Variants in CPAMD8 observed in about 807,000 individuals in gnomAD.
The protein encoded by CPAMD8 is C3 and PZP-like alpha-2-macroglobulin domain-containing protein 8.
In CPAMD8, 146 loss-of-function variants were observed where a neutral mutation model predicts 224.7. That is an observed-to-expected ratio of 0.65 (90% CI 0.57 to 0.75). The LOEUF is 0.75. Among genes scored for constraint, CPAMD8 ranks in the 30% least tolerant of loss-of-function variants. The pLI, the probability that CPAMD8 is intolerant of heterozygous loss-of-function variation, is 0.00. For missense variants in CPAMD8, 2,301 were observed against 2,537.5 expected, an observed-to-expected ratio of 0.91 and a Z score of 2.00; for synonymous variants, 966 against 1,044.6, an observed-to-expected ratio of 0.92 and a Z score of 1.45.
Position 16,904,259 on chromosome 19 carries a change from C to T in CPAMD8, c.4218G>A (p.Gln1406=). 3 of 1,566,224 alleles carry T rather than the reference C, an allele frequency of 1.9e-6. No individual in the cohort carries two copies. The highest frequency in any genetic ancestry group is 2.6e-6 in the Non-Finnish European group (3 of 1,151,006). Residue 1406 remains glutamine (Q), a synonymous_variant, in exon 32 of 42, where the codon CAG becomes CAA. Transcript: ENST00000443236. ...AGGAGAAGCCCCCAAGTGCATTTCGCTGCTGGGACAGCCACTTCACCACAG... is the reference window on the plus strand; with the variant it reads ...AGGAGAAGCCCCCAAGTGCATTTCGTTGCTGGGACAGCCACTTCACCACAG... The part of the protein sequence containing the change: ...ALPVVKWLSQ[Q]RNALGGFSST...
At position 16,976,522 on chromosome 19, in the gene CPAMD8, T is replaced by C. The variant is rs555992257; in HGVS notation, c.1759-371A>G. Reference sequence around the variant, plus strand: ...TTGGTTCAATCCAGGTTTGGTCTAGTCCAGAGGCATCTCTTCTGCCCCACC... The same window carrying C: ...TTGGTTCAATCCAGGTTTGGTCTAGCCCAGAGGCATCTCTTCTGCCCCACC... On this transcript the variant is annotated intron_variant, in intron 15 of 41. Transcript: ENST00000443236. 1.1e-4 allele frequency among the ~76,000 whole-genome samples: 17 copies of C among 152,084 alleles called. No homozygotes were observed. In the South Asian group the frequency reaches 3.5e-3, roughly 32 times the overall value.
In CPAMD8 at chr19:16,893,240, A is replaced by T. The variant is rs754978965; in HGVS notation, c.5526T>A (p.Pro1842=). 1.3e-6 allele frequency: 2 copies of T among 1,577,028 alleles called. No individual in the cohort carries two copies. Among genetic ancestry groups the T allele is most frequent in the Non-Finnish European group, 1.7e-6 (2 of 1,160,184 alleles). Residue 1842 remains proline (P), a synonymous_variant, in exon 42 of 42, where the codon CCT becomes CCA. Coordinates refer to ENST00000443236, the MANE Select transcript of CPAMD8 (RefSeq NM_015692.5). ...PFHRWGQTPA[P]QRHSGRVVGA... is the part of the protein sequence containing the mutation. ...CCACCACCCGGCCACTATGTCTCTGAGGGGCCGGAGTCTGGCCCCATCTGT... is the reference window on the plus strand; with the variant it reads ...CCACCACCCGGCCACTATGTCTCTGTGGGGCCGGAGTCTGGCCCCATCTGT...
chr19:16,952,404 G>A (rs764093757), intron 19 of CPAMD8, among the ~76,000 whole-genome samples: 6 of 152,192 alleles, frequency 3.9e-5, no homozygotes, highest in African/African-American at 9.7e-5. Context: ...TGGGCTGGGC[G>A]CAGTGGCTCA....
intron 14 of CPAMD8, among the ~76,000 whole-genome samples, chr19:16,980,144 G>A (rs1287770000): frequency 6.6e-6 from 1 of 152,150 alleles, no homozygotes; most frequent in Non-Finnish European, 1.5e-5. Context: ...GGCCTTATGA[G>A]GAGCACATGG....
chr19:16,910,454 G>T (rs2052683364), intron 29 of CPAMD8: 1 of 141,080 alleles, frequency 7.1e-6, no homozygotes, highest in Non-Finnish European at 1.5e-5. Flanking sequence ...ACAGGCAGGA[G>T]CCACTGGGCC....
In CPAMD8 at chr19:17,011,484, G is replaced by T; in HGVS notation, c.466C>A (p.Leu156Met). Reference sequence around the variant, plus strand: ...CTCACCTTCTCGTTGACAGGCCTCAGATTTGGAGAGACGGTGAAGATGCTT... The same window carrying T: ...CTCACCTTCTCGTTGACAGGCCTCATATTTGGAGAGACGGTGAAGATGCTT... ...LISIFTVSPN[L>M]RPVNEKLEAY... is the part of the protein sequence containing the mutation. The change falls in exon 5 of 42, where the codon CTG becomes ATG. Residue 156 changes from leucine to methionine, a missense_variant. Physicochemically the swap from Leu to Met is conservative, Grantham distance 15. Around this residue, in one of 4 missense-constraint regions of CPAMD8, gnomAD observed 283 missense variants for 340.6 expected, o/e 0.83. Coordinates refer to ENST00000443236, the MANE Select transcript of CPAMD8 (RefSeq NM_015692.5). 4 of 1,614,238 alleles carry T rather than the reference G, an allele frequency of 2.5e-6. No individual in the cohort carries two copies. The highest frequency in any genetic ancestry group is 2.5e-6 in the Non-Finnish European group (3 of 1,180,042).
In CPAMD8 at chr19:16,906,378, CTTTCTTTCTTTCTTTCTTTCTTTCT is replaced by C. The variant is rs2052499124; in HGVS notation, c.4027+549_4027+573del. Among the ~76,000 whole-genome samples, 24 of 71,648 alleles carry C rather than the reference CTTTCTTTCTTTCTTTCTTTCTTTCT, an allele frequency of 3.3e-4. 1 individual carries two copies. The highest frequency in any genetic ancestry group is 5.5e-4 in the Non-Finnish European group (18 of 32,900). The allele number at this position is 71,648 out of a possible 152,430, so 47.0% of individuals were successfully genotyped here. On this transcript the variant is annotated intron_variant, in intron 30 of 41. Transcript: ENST00000443236. ...TCTTTCTTTCTTTCTTTCTTTCTTT[CTTTCTTTCTTTCTTTCTTTCTTTCT>C]TTCTTTCCTTCCTTCCTTCCTTCCT...
chr19:16,973,175 A>G (rs2055125824), intron 17 of CPAMD8, among the ~76,000 whole-genome samples: 3 of 152,182 alleles, frequency 2.0e-5, no homozygotes, highest in Admixed American at 2.0e-4. Flanking sequence ...TCTCAAAAAA[A>G]GAAAAATAAG....
chr19:16,961,860 C>T (rs910872230), intron 18 of CPAMD8, among the ~76,000 whole-genome samples: 31 of 152,200 alleles, frequency 2.0e-4, no homozygotes, highest in Non-Finnish European at 4.0e-4. Flanking sequence ...GCAATATTTG[C>T]TGTTCTGCAG....
At position 17,022,141 on chromosome 19, in the gene CPAMD8, C is replaced by T. The variant is rs574270835; in HGVS notation, c.133G>A (p.Val45Met). ...ATGGTCACGCTGATGACTTCCTCCACGCCCGCGCGAAAAACAGAGGGAGCT... is the reference window on the plus strand; with the variant it reads ...ATGGTCACGCTGATGACTTCCTCCATGCCCGCGCGAAAAACAGAGGGAGCT... ...IAAPSVFRAG[V>M]EEVISVTIFN... is the part of the protein sequence containing the mutation. The change falls in exon 2 of 42, where the codon GTG (valine) becomes ATG (methionine). Residue 45 changes from valine (V) to methionine (M), a missense_variant. Physicochemically the swap from Val to Met is conservative, Grantham distance 21. Transcript: ENST00000443236. 64 of 1,609,712 alleles carry T rather than the reference C, an allele frequency of 4.0e-5. No homozygotes were observed. Among genetic ancestry groups the T allele is most frequent in the East Asian group, 1.3e-4 (6 of 44,742 alleles).
Position 16,907,016 on chromosome 19 carries a change from G to A in CPAMD8, c.3963C>T (p.Thr1321=), listed in dbSNP as rs745618653. The change falls in exon 30 of 42, where the codon ACC becomes ACT. Residue 1321 remains threonine (T), a synonymous_variant. Transcript: ENST00000443236. ...CAGGGGCTGCCGGGCTGCGGAGCAG[G>A]GTCAGCGCGTAGGTAGTCAGGGCAC... ...YSCALTTYAL[T]LLRSPAAPEA... is the part of the protein sequence containing the mutation. 2 of 1,607,472 alleles carry A rather than the reference G, an allele frequency of 1.2e-6. No individual in the cohort carries two copies. The highest frequency in any genetic ancestry group is 4.5e-5 in the East Asian group (2 of 44,690).
intron 19 of CPAMD8, among the ~76,000 whole-genome samples, chr19:16,955,722 G>A (rs1402139662): frequency 6.6e-6 from 1 of 152,144 alleles, no homozygotes; most frequent in Non-Finnish European, 1.5e-5. Context: ...TGTAGCCCAG[G>A]CTGGAGTGCA....
intron 3 of CPAMD8, among the ~76,000 whole-genome samples, chr19:17,019,658 C>G (rs2056901132): frequency 6.6e-6 from 1 of 151,802 alleles, no homozygotes; most frequent in South Asian, 2.1e-4. Context: ...CAGTCTCAAG[C>G]GATCCTCCTA....
intron 6 of CPAMD8, 140 bp from the exon 7 acceptor site, chr19:17,008,699 G>A (rs370773164): frequency 1.1e-4 from 103 of 945,996 alleles, no homozygotes; most frequent in South Asian, 7.4e-4. Context: ...CATTAACCCC[G>A]GGGCAAAAAA....
chr19:16,969,300 A>T (rs1007260547), intron 18 of CPAMD8, among the ~76,000 whole-genome samples: 1 of 152,204 alleles, frequency 6.6e-6, no homozygotes, highest in Non-Finnish European at 1.5e-5. Flanking sequence ...CCCAGGGAAC[A>T]TTGGGCAATG....
intron 13 of CPAMD8, among the ~76,000 whole-genome samples, chr19:16,985,189 T>C (rs959810024): frequency 4.6e-5 from 7 of 151,916 alleles, no homozygotes; most frequent in African/African-American, 1.7e-4. Flanking sequence ...CCAAAAAATG[T>C]GTAGAGAAAT....
At chr19:16,951,899 C>T (rs1204231044) in intron 20 of CPAMD8, 70 bp downstream of exon 20, 2 of 986,976 alleles carry the variant, frequency 2.0e-6, no homozygotes, top group East Asian at 5.3e-5. Context: ...CCCTGCCTAC[C>T]TTATAGCACC....
In CPAMD8 at chr19:16,914,670, TTC is replaced by T; in HGVS notation, c.3771_3772del (p.Asn1258GlnfsTer36). ...GGGGCCACTCACCTGGATGTCCTTGTTCAGGACCCTGCCCACGGCCAGGAAGG... is the reference window on the plus strand; with the variant it reads ...GGGGCCACTCACCTGGATGTCCTTGTAGGACCCTGCCCACGGCCAGGAAGG... On this transcript the variant is annotated frameshift_variant, in exon 28 of 42. Coordinates refer to ENST00000443236, the MANE Select transcript of CPAMD8 (RefSeq NM_015692.5). LOFTEE classifies it high-confidence loss of function. 6.2e-7 allele frequency: 1 copy of T among 1,614,032 alleles called. No individual in the cohort carries two copies. Among genetic ancestry groups the T allele is most frequent in the East Asian group, 2.2e-5 (1 of 44,878 alleles).
At chr19:16,954,468 C>T (rs774459804) in intron 19 of CPAMD8, among the ~76,000 whole-genome samples, 4 of 152,060 alleles carry the variant, frequency 2.6e-5, no homozygotes, top group Non-Finnish European at 4.4e-5. Flanking sequence ...CTGGAGGTTC[C>T]TTAAAAAATT....
Sources: gnomAD v4.1 joint callset for allele counts (sites outside exome capture counted in the v4.1 genomes callset) on GRCh38, gnomAD v4.1.1 for gene constraint, gnomAD v4.1.1 regional missense constraint, MANE v1.5 for transcripts, NCBI Gene and HGNC (gene_info 2026-07-23, HGNC 2026-07-21) for gene names.